The following ATP9B variants were observed in gnomAD, a reference collection of about 807,000 sequenced individuals.
ATP9B encodes probable phospholipid-transporting ATPase IIB.
In ATP9B, 110 loss-of-function variants were observed where a neutral mutation model predicts 146.1. The observed-to-expected ratio is 0.75, with a 90% CI of 0.65 to 0.88. ATP9B has a LOEUF of 0.88. Among genes scored for constraint, ATP9B ranks in the 40% least tolerant of loss-of-function variants. ATP9B has a pLI of 0.00. For missense variants in ATP9B, 1,499 were observed against 1,496.4 expected (o/e 1.00, Z -0.03); for synonymous variants, 604 against 569.7 (o/e 1.06, Z -0.86).
chr18:79,096,871 T>G (rs1331891728), intron 2 of ATP9B, among the ~76,000 whole-genome samples: 1 of 152,192 alleles, frequency 6.6e-6, no homozygotes, highest in Non-Finnish European at 1.5e-5. Flanking sequence ...GGTTAAAAGC[T>G]GGAGGCCGGG....
At chr18:79,147,795 A>G (rs2094615505) in intron 6 of ATP9B, among the ~76,000 whole-genome samples, 1 of 151,954 alleles carries the variant, frequency 6.6e-6, no homozygotes, top group South Asian at 2.1e-4. Flanking sequence ...AACCAAGGCA[A>G]GCAGAAGGAA....
intron 5 of ATP9B, among the ~76,000 whole-genome samples, chr18:79,131,794 G>T (rs1404925118): frequency 6.6e-6 from 1 of 152,192 alleles, no homozygotes; most frequent in Non-Finnish European, 1.5e-5. Flanking sequence ...ATCATGAAGG[G>T]TTGCTACATG....
chr18:79,311,888 T>C (rs1303962044), intron 15 of ATP9B, among the ~76,000 whole-genome samples: 1 of 152,196 alleles, frequency 6.6e-6, no homozygotes, highest in African/African-American at 2.4e-5. Flanking sequence ...TCACCGGAGC[T>C]TCTGTGTTTC....
chr18:79,266,834 A>G (rs1202608981), intron 12 of ATP9B, among the ~76,000 whole-genome samples: 2 of 152,198 alleles, frequency 1.3e-5, no homozygotes, highest in African/African-American at 4.8e-5. Flanking sequence ...TTTGTTTATT[A>G]TTAGATTCCA....
chr18:79,324,825 T>A (rs773259572), intron 15 of ATP9B, among the ~76,000 whole-genome samples: 42 of 152,268 alleles, frequency 2.8e-4, no homozygotes, highest in Non-Finnish European at 1.0e-4. Context: ...GTCCCTGAAT[T>A]TATAAATAGT....
At chr18:79,185,061 A>G (rs2095293436) in intron 8 of ATP9B, among the ~76,000 whole-genome samples, 1 of 151,950 alleles carries the variant, frequency 6.6e-6, no homozygotes, top group African/African-American at 2.4e-5. Context: ...TGTACAAGCG[A>G]TCAGCAGGTG....
At chr18:79,085,324 A>G (rs2073714935) in intron 1 of ATP9B, 2 of 152,254 alleles carry the variant, frequency 1.3e-5, no homozygotes, top group African/African-American at 2.4e-5. Flanking sequence ...TCACATTTCA[A>G]CATGAAATTT....
rs866383814 is a variant in ATP9B at position 79,245,956 on chromosome 18, G to T, written c.1108-7425G>T. Among the ~76,000 whole-genome samples, 5 of 145,720 alleles carry T rather than the reference G, an allele frequency of 3.4e-5. No individual in the cohort carries two copies. In the South Asian group the frequency reaches 1.1e-3, roughly 33 times the overall value. On this transcript the variant is annotated intron_variant, in intron 11 of 29. Coordinates refer to ENST00000426216, the MANE Select transcript of ATP9B (RefSeq NM_198531.5). ...CACCACCCTACTGACTGCGCGGAGG[G>T]CACCACCCTACTGACTGCGGAGGGC...
Position 79,303,627 on chromosome 18 carries a change from A to G in ATP9B, c.1435A>G (p.Ile479Val), listed in dbSNP as rs2096605351. 1.9e-6 allele frequency: 3 copies of G among 1,613,858 alleles called. No individual in the cohort carries two copies. Among genetic ancestry groups the G allele is most frequent in the African/African-American group, 1.3e-5 (1 of 74,894 alleles). ...KTGTLTQNEM[I>V]FKRLHLGTVS... ...AGGAACCCTCACCCAGAATGAAATGATATTTAAGCGGCTGCACCTGGGCAC... is the reference window on the plus strand; with the variant it reads ...AGGAACCCTCACCCAGAATGAAATGGTATTTAAGCGGCTGCACCTGGGCAC... The change falls in exon 14 of 30, where the codon ATA becomes GTA. Residue 479 changes from isoleucine to valine, a missense_variant. Ile to Val is a conservative substitution (Grantham distance 29). Transcript: ENST00000426216.
chr18:79,083,415 G>A (rs530933905), intron 1 of ATP9B, among the ~76,000 whole-genome samples: 18 of 152,088 alleles, frequency 1.2e-4, no homozygotes, highest in Admixed American at 4.6e-4. Flanking sequence ...AAGAGTGAAC[G>A]GTTCTGTCTT....
intron 1 of ATP9B, among the ~76,000 whole-genome samples, chr18:79,089,936 C>G (rs2074176662): frequency 6.6e-6 from 1 of 152,158 alleles, no homozygotes; most frequent in Non-Finnish European, 1.5e-5. Context: ...ACTACCCTTC[C>G]CAGCCTCTGA....
rs199572315 is a variant in ATP9B at position 79,336,719 on chromosome 18, G to T, written c.2112+8G>T. ...CAGTACCAGGACTTTGAGGTGAGCCGACTCCCAGCCATCCCATCCTCCTAC... is the reference window on the plus strand; with the variant it reads ...CAGTACCAGGACTTTGAGGTGAGCCTACTCCCAGCCATCCCATCCTCCTAC... On this transcript the variant is annotated splice_region_variant and intron_variant, in intron 18 of 29. Coordinates refer to ENST00000426216, the MANE Select transcript of ATP9B (RefSeq NM_198531.5). 5 of 1,613,478 alleles carry T rather than the reference G, an allele frequency of 3.1e-6. No individual in the cohort carries two copies. Among genetic ancestry groups the T allele is most frequent in the Non-Finnish European group, 4.2e-6 (5 of 1,179,684 alleles).
At chr18:79,294,991 C>T (rs1296813697) in intron 13 of ATP9B, among the ~76,000 whole-genome samples, 1 of 152,124 alleles carries the variant, frequency 6.6e-6, no homozygotes, top group African/African-American at 2.4e-5. Context: ...CAGTTCCTTG[C>T]ATTTAATATC....
chr18:79,262,815 T>G (rs1031263181), intron 12 of ATP9B, among the ~76,000 whole-genome samples: 5 of 152,252 alleles, frequency 3.3e-5, no homozygotes, highest in African/African-American at 1.2e-4. Context: ...CATACACGCT[T>G]AAGATGTTTC....
At chr18:79,217,417 C>T (rs370947758) in intron 11 of ATP9B, among the ~76,000 whole-genome samples, 2 of 152,328 alleles carry the variant, frequency 1.3e-5, no homozygotes, top group South Asian at 2.1e-4. Context: ...TTCTCCTGAC[C>T]TCGTGATCCG....
rs745515691 is a variant in ATP9B, at chr18:79,253,470, A to G, written c.1197A>G (p.Gln399=). 1 of 1,613,662 alleles carries G rather than the reference A, an allele frequency of 6.2e-7. No homozygotes were observed. Among genetic ancestry groups the G allele is most frequent in the South Asian group, 1.1e-5 (1 of 90,926 alleles). ...TTTCCATTGTTATGGTAACCTTACA[A>G]GGATTTGTGGGTCCATGGTACCGCA... ...VALSIVMVTL[Q]GFVGPWYRNL... Residue 399 remains glutamine, a synonymous_variant, in exon 12 of 30, where the codon CAA becomes CAG. Transcript: ENST00000426216.
At chr18:79,332,238 G>T (rs1034294787) in intron 17 of ATP9B, among the ~76,000 whole-genome samples, 2 of 152,134 alleles carry the variant, frequency 1.3e-5, no homozygotes, top group Non-Finnish European at 2.9e-5. Flanking sequence ...GACCCTCCTG[G>T]CTAACACGGT....
At chr18:79,179,166 G>A (rs2095219476) in intron 8 of ATP9B, among the ~76,000 whole-genome samples, 2 of 152,008 alleles carry the variant, frequency 1.3e-5, no homozygotes, top group African/African-American at 4.8e-5. Context: ...GCCATTTTAG[G>A]ATTCCTTCTT....
chr18:79,265,746 G>T (rs1488002019), intron 12 of ATP9B, among the ~76,000 whole-genome samples: 4 of 151,922 alleles, frequency 2.6e-5, no homozygotes, highest in Admixed American at 1.3e-4. Context: ...GTTGCTTTTG[G>T]TATCTTCATC....
Sources: allele counts gnomAD v4.1 joint callset (sites outside exome capture counted in the v4.1 genomes callset), GRCh38; gene constraint gnomAD v4.1.1; transcripts MANE v1.5; gene names NCBI Gene and HGNC (gene_info 2026-07-23, HGNC 2026-07-21).